CDH4: variants seen among roughly 807,000 people sequenced by gnomAD.
CDH4 encodes cadherin 4, also known as cadherin-4.
CDH4 carries 33 observed loss-of-function variants against 86.0 expected under a neutral mutation model. The observed-to-expected ratio is 0.38, with a 90% confidence interval of 0.29 to 0.51. The LOEUF (loss-of-function observed/expected upper bound fraction) is 0.51, where lower values mean the gene tolerates loss of function less well. CDH4 is among the 20% of genes least tolerant of loss of function. The probability of loss-of-function intolerance (pLI) is 0.86; values close to 1 mark genes in which losing one functional copy is unlikely to be tolerated. For synonymous variants in CDH4, 555 were observed against 549.4 expected, an observed-to-expected ratio of 1.01 and a Z score of -0.14; for missense variants, 1,114 against 1,307.4, an observed-to-expected ratio of 0.85 and a Z score of 2.28.
intron 2 of CDH4, among the ~76,000 whole-genome samples, chr20:61,595,012 C>T (rs757649003): frequency 1.8e-4 from 27 of 152,212 alleles, no homozygotes; most frequent in Non-Finnish European, 3.2e-4. Context: ...GTGCAGTGAC[C>T]GTGGGCTCCA....
intron 9 of CDH4, among the ~76,000 whole-genome samples, chr20:61,921,377 C>G (rs1434615641): frequency 6.6e-6 from 1 of 152,374 alleles, no homozygotes; most frequent in Non-Finnish European, 1.5e-5. Context: ...GCAATCTGCA[C>G]TTTTTGCAGG....
At chr20:61,465,084 A>G (rs1331798997) in intron 2 of CDH4, among the ~76,000 whole-genome samples, 2 of 152,238 alleles carry the variant, frequency 1.3e-5, no homozygotes, top group Non-Finnish European at 2.9e-5. Flanking sequence ...TGAACATCCC[A>G]GGTGACCGTC....
At position 61,938,675 on chromosome 20, in the gene CDH4, C is replaced by T. The variant is rs1374729809; in HGVS notation, c.*1732C>T. The T allele has an allele frequency of 6.6e-6, 1 of 152,644 alleles. No individual in the cohort carries two copies. Among genetic ancestry groups the T allele is most frequent in the East Asian group, 1.9e-4 (1 of 5,180 alleles). The allele number at this position is 152,644 out of a possible 1,614,324, so 9.5% of individuals were successfully genotyped here. On this transcript the variant is annotated 3_prime_UTR_variant, in exon 16 of 16. Transcript: ENST00000614565. ...GGGCAGCATGAGCTCCACCAGGGGC[C>T]CCGGCCCCCACCTCAGCCTATGGCC...
At chr20:61,627,852 G>A (rs1387474937) in intron 2 of CDH4, among the ~76,000 whole-genome samples, 1 of 152,026 alleles carries the variant, frequency 6.6e-6, no homozygotes. Context: ...CTAGCCCTTC[G>A]TCCTTTCTCC....
At chr20:61,712,666 A>G (rs548927456) in intron 2 of CDH4, among the ~76,000 whole-genome samples, 1 of 152,100 alleles carries the variant, frequency 6.6e-6, no homozygotes, top group African/African-American at 2.4e-5. Context: ...AGGGGCACCC[A>G]CTCCAAGGGA....
At position 61,703,031 on chromosome 20, in the gene CDH4, G is replaced by A. The variant is rs1053750553; in HGVS notation, c.170-40532G>A. On this transcript the variant is annotated intron_variant, in intron 2 of 15. Transcript: ENST00000614565. The surrounding 1 kb of genome is among the most constrained non-coding windows in gnomAD (Gnocchi z 4.3). ...CTTTCTTCATCTCACTCTGCGTGCC[G>A]TGGTCAGTGCCATGTTTTCGGGTAG... 5.9e-5 allele frequency among the ~76,000 whole-genome samples: 9 copies of A among 152,298 alleles called. No individual in the cohort carries two copies. Among genetic ancestry groups the A allele is most frequent in the Admixed American group, 3.9e-4 (6 of 15,296 alleles).
chr20:61,566,584 C>T (rs551882396), intron 2 of CDH4, among the ~76,000 whole-genome samples: 166 of 152,272 alleles, frequency 1.1e-3, no homozygotes, highest in Non-Finnish European at 2.1e-3. Flanking sequence ...GTGTCTGCAG[C>T]GCTCTGACAT....
intron 2 of CDH4, among the ~76,000 whole-genome samples, chr20:61,521,383 C>T (rs1046445371): frequency 1.3e-5 from 2 of 152,118 alleles, no homozygotes; most frequent in Non-Finnish European, 2.9e-5. Context: ...AGGAGGAGAG[C>T]GAGTTTGTAG....
At chr20:61,702,117 G>A (rs536474441) in intron 2 of CDH4, among the ~76,000 whole-genome samples, 8 of 152,286 alleles carry the variant, frequency 5.3e-5, no homozygotes, top group East Asian at 1.9e-4. Context: ...GCCATTTCCC[G>A]GTCCCTTCAG....
intron 2 of CDH4, among the ~76,000 whole-genome samples, chr20:61,271,623 C>G (rs961878340): frequency 6.6e-6 from 1 of 152,232 alleles, no homozygotes; most frequent in East Asian, 1.9e-4. Context: ...ACATCTCCCA[C>G]GCTCTCCCCC....
At chr20:61,542,948 G>A (rs558565976) in intron 2 of CDH4, among the ~76,000 whole-genome samples, 1 of 152,316 alleles carries the variant, frequency 6.6e-6, no homozygotes, top group South Asian at 2.1e-4. Context: ...TGTGGCCAAA[G>A]GCCTGAGCAC....
At chr20:61,459,014 C>T (rs2085426512) in intron 2 of CDH4, among the ~76,000 whole-genome samples, 1 of 150,832 alleles carries the variant, frequency 6.6e-6, no homozygotes, top group African/African-American at 2.4e-5. Flanking sequence ...TGAGCCCTGG[C>T]ATTGTCTATT....
intron 3 of CDH4, among the ~76,000 whole-genome samples, chr20:61,762,918 C>T (rs1163289731): frequency 1.3e-5 from 2 of 152,226 alleles, no homozygotes; most frequent in Admixed American, 1.3e-4. Context: ...ACAGCCAGTA[C>T]GGTGACCAGA....
chr20:61,826,200 G>T (rs537747957), intron 4 of CDH4, among the ~76,000 whole-genome samples: 1 of 152,138 alleles, frequency 6.6e-6, no homozygotes, highest in African/African-American at 2.4e-5. Flanking sequence ...CAGAGTCCCT[G>T]TGAGGTCTCC....
At chr20:61,574,533 C>T (rs989419550) in intron 2 of CDH4, among the ~76,000 whole-genome samples, 2 of 152,136 alleles carry the variant, frequency 1.3e-5, no homozygotes, top group Admixed American at 1.3e-4. Context: ...TTGTGAATGC[C>T]ATTGCAAGCT....
chr20:61,430,317 T>C (rs2085239451), intron 2 of CDH4, among the ~76,000 whole-genome samples: 1 of 152,182 alleles, frequency 6.6e-6, no homozygotes, highest in African/African-American at 2.4e-5. Flanking sequence ...GATATGTTTT[T>C]TCAGCAACCT....
In CDH4 at chr20:61,907,176, G is replaced by A. The variant is rs138266480; in HGVS notation, c.1189-3246G>A. 4.2e-4 allele frequency among the ~76,000 whole-genome samples: 64 copies of A among 152,162 alleles called. 1 individual carries two copies. Among genetic ancestry groups the A allele is most frequent in the African/African-American group, 1.4e-3 (60 of 41,514 alleles). On this transcript the variant is annotated intron_variant, in intron 8 of 15. Transcript: ENST00000614565. ...ACTATCACCTCCACCTCACAGCTCT[G>A]TCCCACCCCCAGGCCCCCCCGGGCA...
chr20:61,615,987 G>A (rs533797033), intron 2 of CDH4, among the ~76,000 whole-genome samples: 7 of 152,326 alleles, frequency 4.6e-5, no homozygotes, highest in Admixed American at 1.3e-4. Context: ...AAGGCCACGC[G>A]ATGGCCACGG....
chr20:61,706,729 G>A (rs1038631981), intron 2 of CDH4, among the ~76,000 whole-genome samples: 2 of 152,280 alleles, frequency 1.3e-5, no homozygotes, highest in South Asian at 2.1e-4. Context: ...TCCCGAGCCC[G>A]CTGCAGGCCA....
Sources: allele counts gnomAD v4.1 joint callset (sites outside exome capture counted in the v4.1 genomes callset), GRCh38; gene constraint gnomAD v4.1.1; non-coding constraint Gnocchi (gnomAD v3.1); transcripts MANE v1.5; gene names NCBI Gene and HGNC (gene_info 2026-07-23, HGNC 2026-07-21).